The following CYRIB variants were observed in gnomAD, a reference collection of about 807,000 sequenced individuals.
The protein encoded by CYRIB is CYFIP-related Rac1 interactor B.
Under a neutral mutation model 44.2 loss-of-function variants are expected in CYRIB, and 8 were observed. The ratio of observed to expected loss-of-function variants is 0.18; its 90% CI spans 0.11 to 0.33. CYRIB has a LOEUF of 0.33. Ranked by LOEUF, CYRIB falls within the 10% of genes least tolerant of loss-of-function variation. CYRIB has a pLI of 1.00. For missense variants in CYRIB, 185 were observed against 382.8 expected (o/e 0.48, Z 4.31); for synonymous variants, 131 against 127.2 (o/e 1.03, Z -0.20).
chr8:129,872,722 A>C (rs1169091754), intron 3 of CYRIB, among the ~76,000 whole-genome samples: 1 of 152,050 alleles, frequency 6.6e-6, no homozygotes, highest in Admixed American at 6.5e-5. Flanking sequence ...TATAAGATGA[A>C]GTAAGAACGT....
At chr8:129,870,650 T>C (rs1288744931) in intron 4 of CYRIB, among the ~76,000 whole-genome samples, 1 of 151,954 alleles carries the variant, frequency 6.6e-6, no homozygotes, top group African/African-American at 2.4e-5. Flanking sequence ...TAGACAATAA[T>C]AAACAAAACA....
chr8:129,849,361 C>T, exon 10 of CYRIB: 1 of 1,609,860 alleles, frequency 6.2e-7, no homozygotes, highest in African/African-American at 1.3e-5. Flanking sequence ...AAATCTGCTT[C>T]TGTATTCCCT....
At chr8:129,958,372 C>T (rs556979350) in intron 2 of CYRIB, among the ~76,000 whole-genome samples, 6 of 152,230 alleles carry the variant, frequency 3.9e-5, no homozygotes, top group African/African-American at 1.4e-4. Context: ...TCGGATGTTA[C>T]GTCTCTGCAG....
chr8:129,988,978 G>A (rs1180077632), intron 1 of CYRIB, among the ~76,000 whole-genome samples: 1 of 152,116 alleles, frequency 6.6e-6, no homozygotes, highest in Non-Finnish European at 1.5e-5. Flanking sequence ...TTACAGAAAT[G>A]GAAACTGAAA....
intron 8 of CYRIB, 107 bp from the exon 11 acceptor site, chr8:129,851,021 G>T (rs925551642): frequency 1.4e-6 from 1 of 694,408 alleles, no homozygotes; most frequent in African/African-American, 1.8e-5. Flanking sequence ...TTAAAACCTG[G>T]TTCCTACTCC....
chr8:129,869,439 C>A (rs1310390701), intron 4 of CYRIB, among the ~76,000 whole-genome samples: 3 of 149,150 alleles, frequency 2.0e-5, no homozygotes, highest in Non-Finnish European at 4.4e-5. Flanking sequence ...GTCTCTATAG[C>A]GAGTAAGATT....
At chr8:129,910,319 A>G (rs965930466) in intron 1 of CYRIB, among the ~76,000 whole-genome samples, 3 of 152,150 alleles carry the variant, frequency 2.0e-5, no homozygotes, top group African/African-American at 4.8e-5. Flanking sequence ...CTATGAACAT[A>G]TATCTTTGTT....
chr8:129,914,225 T>C (rs1233219767), intron 1 of CYRIB, among the ~76,000 whole-genome samples: 1 of 152,090 alleles, frequency 6.6e-6, no homozygotes, highest in Non-Finnish European at 1.5e-5. Context: ...AAAGCGATAA[T>C]GCTGGAAATA....
At chr8:129,989,360 C>T (rs1250843920) in intron 1 of CYRIB, among the ~76,000 whole-genome samples, 1 of 152,234 alleles carries the variant, frequency 6.6e-6, no homozygotes, top group Non-Finnish European at 1.5e-5. Flanking sequence ...GCGGTCTCTA[C>T]TTCCCAAAGC....
At chr8:129,860,049 G>A (rs1281282322) in intron 5 of CYRIB, among the ~76,000 whole-genome samples, 1 of 152,138 alleles carries the variant, frequency 6.6e-6, no homozygotes, top group Non-Finnish European at 1.5e-5. Flanking sequence ...ATAACCCATG[G>A]TGTATCTGTA....
At chr8:129,895,082 C>A (rs2067280975) in intron 2 of CYRIB, among the ~76,000 whole-genome samples, 1 of 130,920 alleles carries the variant, frequency 7.6e-6, no homozygotes, top group South Asian at 2.5e-4. Flanking sequence ...GGACTACATG[C>A]CCGTGTCATC....
At chr8:129,864,057 C>T (rs559716146) in intron 4 of CYRIB, among the ~76,000 whole-genome samples, 36 of 152,312 alleles carry the variant, frequency 2.4e-4, no homozygotes, top group South Asian at 1.0e-3. Context: ...ACAGATCTAA[C>T]GGATGCTCTG....
chr8:129,948,897 T>C (rs542587411), intron 2 of CYRIB: 3 of 152,190 alleles, frequency 2.0e-5, no homozygotes, highest in East Asian at 3.9e-4. Flanking sequence ...AGACCCTGTA[T>C]GTAGAAAAAA....
At chr8:129,925,569 T>A (rs1465659927) in intron 1 of CYRIB, among the ~76,000 whole-genome samples, 1 of 152,194 alleles carries the variant, frequency 6.6e-6, no homozygotes, top group Non-Finnish European at 1.5e-5. Context: ...TTCCCTCATG[T>A]GGTCTCACTT....
At chr8:129,925,906 C>A (rs1412289888) in intron 1 of CYRIB, among the ~76,000 whole-genome samples, 2 of 152,220 alleles carry the variant, frequency 1.3e-5, no homozygotes, top group Non-Finnish European at 2.9e-5. Context: ...AGAATACCAA[C>A]AACTGGGTTA....
At chr8:129,857,735 A>T (rs1355719841) in intron 5 of CYRIB, among the ~76,000 whole-genome samples, 3 of 152,244 alleles carry the variant, frequency 2.0e-5, no homozygotes, top group East Asian at 3.8e-4. Flanking sequence ...GTTATATTTT[A>T]AAAATGGTTT....
At chr8:129,851,138 T>C (rs1446406107) in intron 8 of CYRIB, 6 of 504,928 alleles carry the variant, frequency 1.2e-5, no homozygotes, top group Non-Finnish European at 2.1e-5. Flanking sequence ...GCACCTGCAT[T>C]CCAGCAATGT....
upstream of CYRIB, among the ~76,000 whole-genome samples, chr8:129,943,079 A>ACCCCCCCCCCCCCCCCCCCCCCC (rs1554688082): frequency 8.8e-6 from 1 of 113,078 alleles, no homozygotes; most frequent in African/African-American, 4.8e-5. Context: ...ACATTTTTGC[A>ACCCCCCCCCCCCCCCCCCCCCCC]CCGCCCACCC....
intron 9 of CYRIB, 70 bp downstream of exon 11, chr8:129,850,765 A>T (rs896600038): frequency 9.4e-7 from 1 of 1,064,872 alleles, no homozygotes; most frequent in African/African-American, 1.6e-5. Flanking sequence ...ATGTTCATAT[A>T]TGAACATGTT....
Sources: gnomAD v4.1 joint callset for allele counts (sites outside exome capture counted in the v4.1 genomes callset) on GRCh38, gnomAD v4.1.1 for gene constraint, MANE v1.5 for transcripts, NCBI Gene and HGNC (gene_info 2026-07-23, HGNC 2026-07-21) for gene names.